CTNNA2: variants seen among roughly 807,000 people sequenced by gnomAD.
The protein encoded by CTNNA2 is catenin alpha 2, also known as catenin alpha-2.
In CTNNA2, 42 loss-of-function variants were observed where a neutral mutation model predicts 101.0. The observed-to-expected ratio is 0.42, with a 90% confidence interval of 0.32 to 0.54. CTNNA2 has a LOEUF of 0.54. Among genes scored for constraint, CTNNA2 ranks in the 20% least tolerant of loss-of-function variants. The pLI is 0.14. For missense variants in CTNNA2, 871 were observed against 1,223.1 expected, an observed-to-expected ratio of 0.71 and a Z score of 4.29; for synonymous variants, 450 against 456.4, an observed-to-expected ratio of 0.99 and a Z score of 0.18.
chr2:80,358,009 G>A (rs1674005720), intron 7 of CTNNA2, among the ~76,000 whole-genome samples: 2 of 152,140 alleles, frequency 1.3e-5, no homozygotes, highest in South Asian at 4.1e-4. Context: ...TCTTCATGAA[G>A]GTAGGCTCTG....
chr2:79,545,891 C>G (rs1349284360), intron 1 of CTNNA2, among the ~76,000 whole-genome samples: 1 of 152,120 alleles, frequency 6.6e-6, no homozygotes, highest in East Asian at 1.9e-4. Flanking sequence ...GTGTCAGGCA[C>G]TATTCTAAGC....
At chr2:79,880,339 G>T (rs999470827) in intron 6 of CTNNA2, among the ~76,000 whole-genome samples, 1 of 152,122 alleles carries the variant, frequency 6.6e-6, no homozygotes, top group Non-Finnish European at 1.5e-5. Context: ...CATAAAATGA[G>T]TTAGGGAGGA....
chr2:80,159,866 A>T (rs1436720128), intron 7 of CTNNA2, among the ~76,000 whole-genome samples: 1 of 152,130 alleles, frequency 6.6e-6, no homozygotes, highest in Non-Finnish European at 1.5e-5. Flanking sequence ...CCTCTCATAG[A>T]TTGTGTTTTT....
intron 7 of CTNNA2, among the ~76,000 whole-genome samples, chr2:80,233,398 A>G (rs192921189): frequency 6.6e-6 from 1 of 152,210 alleles, no homozygotes; most frequent in East Asian, 1.9e-4. Flanking sequence ...ATGGCATTTT[A>G]ATACTTATGG....
intron 12 of CTNNA2, among the ~76,000 whole-genome samples, chr2:80,568,561 G>C (rs1304042309): frequency 1.2e-5 from 1 of 86,542 alleles, no homozygotes; most frequent in Admixed American, 1.2e-4. Flanking sequence ...TGCTATAATG[G>C]TGTGCGTGTG....
At chr2:80,391,348 C>G (rs1677496694) in intron 7 of CTNNA2, among the ~76,000 whole-genome samples, 1 of 152,112 alleles carries the variant, frequency 6.6e-6, no homozygotes, top group African/African-American at 2.4e-5. Context: ...AGCCCAGAGT[C>G]TGGCATTTAC....
At chr2:79,213,776 T>C (rs988428034) in intron 2 of CTNNA2, among the ~76,000 whole-genome samples, 2 of 151,500 alleles carry the variant, frequency 1.3e-5, no homozygotes, top group Non-Finnish European at 2.9e-5. Context: ...CAACAAAGAG[T>C]GAGTATAGCT....
intron 17 of CTNNA2, among the ~76,000 whole-genome samples, chr2:80,613,529 G>A (rs1394905799): frequency 1.3e-5 from 2 of 151,174 alleles, no homozygotes; most frequent in Non-Finnish European, 3.0e-5. Flanking sequence ...AGTCTTGTAC[G>A]AAGGAGTCTG....
intron 1 of CTNNA2, among the ~76,000 whole-genome samples, chr2:79,585,693 G>T (rs1429755128): frequency 1.3e-5 from 2 of 152,058 alleles, no homozygotes; most frequent in East Asian, 3.9e-4. Flanking sequence ...ACCCTGGCCT[G>T]CACTCCATGC....
intron 7 of CTNNA2, among the ~76,000 whole-genome samples, chr2:80,351,828 T>C (rs1049110914): frequency 8.5e-5 from 13 of 152,144 alleles, no homozygotes; most frequent in African/African-American, 3.1e-4. Flanking sequence ...TTCTCACTCT[T>C]TCTCACTTTA....
intron 7 of CTNNA2, among the ~76,000 whole-genome samples, chr2:80,189,968 A>T (rs1706379426): frequency 6.6e-6 from 1 of 151,970 alleles, no homozygotes; most frequent in Non-Finnish European, 1.5e-5. Flanking sequence ...CATACACTTA[A>T]CTAAGACTTT....
intron 3 of CTNNA2, among the ~76,000 whole-genome samples, chr2:79,346,292 A>G (rs1396719540): frequency 6.6e-6 from 1 of 152,136 alleles, no homozygotes; most frequent in Non-Finnish European, 1.5e-5. Context: ...GACTATTATT[A>G]TTAGTGTTAT....
chr2:79,696,729 G>T (rs1684676740), intron 2 of CTNNA2, among the ~76,000 whole-genome samples: 1 of 152,018 alleles, frequency 6.6e-6, no homozygotes, highest in African/African-American at 2.4e-5. Context: ...ATCAGACCCA[G>T]TGGGATTCCA....
intron 1 of CTNNA2, among the ~76,000 whole-genome samples, chr2:79,537,777 G>A (rs1366987264): frequency 1.4e-5 from 2 of 140,866 alleles, no homozygotes; most frequent in Non-Finnish European, 3.0e-5. Flanking sequence ...TTTAGCACAT[G>A]TTTCTTGAAT....
intron 2 of CTNNA2, among the ~76,000 whole-genome samples, chr2:79,674,972 A>T (rs906205709): frequency 5.3e-5 from 8 of 152,236 alleles, no homozygotes; most frequent in Admixed American, 2.0e-4. Context: ...TTAACAGGAC[A>T]TGTTGACATT....
intron 3 of CTNNA2, chr2:79,320,120 A>G (rs1011613929): frequency 1.3e-5 from 2 of 152,182 alleles, no homozygotes; most frequent in African/African-American, 4.8e-5. Flanking sequence ...CTGAGGGCCA[A>G]AATCAGGAGA....
chr2:79,635,678 A>G (rs917788977), intron 1 of CTNNA2, among the ~76,000 whole-genome samples: 3 of 150,286 alleles, frequency 2.0e-5, no homozygotes, highest in African/African-American at 7.3e-5. Flanking sequence ...TAATTTTTGT[A>G]TTTTTAGTAG....
intron 4 of CTNNA2, among the ~76,000 whole-genome samples, chr2:79,863,564 A>AC (rs1681800924): frequency 6.6e-6 from 1 of 152,216 alleles, no homozygotes. Flanking sequence ...TGACAACACA[A>AC]CCACTCAGTC....
At position 79,325,444 on chromosome 2, in the gene CTNNA2, C is replaced by T. The variant is rs532943878; in HGVS notation, c.-318+12648C>T. ...TCATTGTTTTCTTCAAATAGCATTT[C>T]GGGATTTCTTCAAATAGCATTTCGG... is the stretch of plus-strand genomic sequence containing the variant. On this transcript the variant is annotated intron_variant, in intron 3 of 21. Coordinates refer to the CTNNA2 transcript ENST00000466387. 7.9e-5 allele frequency among the ~76,000 whole-genome samples: 12 copies of T among 152,266 alleles called. No individual in the cohort carries two copies. The South Asian group carries it at 2.5e-3, about 32-fold the overall frequency.
Sources: allele counts gnomAD v4.1 joint callset (sites outside exome capture counted in the v4.1 genomes callset), GRCh38; gene constraint gnomAD v4.1.1; transcripts MANE v1.5; gene names NCBI Gene and HGNC (gene_info 2026-07-23, HGNC 2026-07-21).